Variants in SLC6A6 observed in about 807,000 individuals in gnomAD.
SLC6A6 encodes the protein solute carrier family 6 member 6, also known as sodium- and chloride-dependent taurine transporter.
SLC6A6 carries 16 observed loss-of-function variants against 68.8 expected under a neutral mutation model. That is an observed-to-expected ratio of 0.23 (90% CI 0.16 to 0.35). SLC6A6 has a LOEUF of 0.35. SLC6A6 is among the 10% of genes least tolerant of loss of function. The probability of loss-of-function intolerance (pLI) is 1.00; values close to 1 mark genes in which losing one functional copy is unlikely to be tolerated. For synonymous variants in SLC6A6, 312 were observed against 315.4 expected, an observed-to-expected ratio of 0.99 and a Z score of 0.12; for missense variants, 474 against 802.8, an observed-to-expected ratio of 0.59 and a Z score of 4.95.
At chr3:14,457,851 G>A (rs1700404243) in intron 5 of SLC6A6, 99 bp from the exon 6 acceptor site, 4 of 1,125,812 alleles carry the variant, frequency 3.6e-6, no homozygotes, top group Non-Finnish European at 5.3e-6. Context: ...CAGCGCCTCA[G>A]GTGGGATTTG....
Position 14,481,556 on chromosome 3 carries a change from G to A in SLC6A6, c.1552-115G>A. The A allele has an allele frequency of 1.4e-6, 1 of 716,724 alleles. No individual in the cohort carries two copies. The highest frequency in any genetic ancestry group is 1.7e-5 in the South Asian group (1 of 57,650). The allele number at this position is 716,724 out of a possible 1,614,324, so 44.4% of individuals were successfully genotyped here. ...AGAGAGGGGTGTGAGTTCTGAGCCA[G>A]TCCTTTCCCAAGGAGAGAGACCCTT... On this transcript the variant is annotated intron_variant, in intron 13 of 14. Coordinates refer to ENST00000622186, the MANE Select transcript of SLC6A6 (RefSeq NM_003043.6). The surrounding 1 kb of genome is among the most constrained non-coding windows in gnomAD (Gnocchi z 4.7).
In SLC6A6 at chr3:14,467,914, C is replaced by T. The variant is rs780969231; in HGVS notation, c.929C>T (p.Thr310Ile). Reference protein sequence around the residue: ...FSYAICLGAMTSLGSYNKYKY... With the variant: ...FSYAICLGAMISLGSYNKYKY... Reference sequence around the variant, plus strand: ...TATGCCATCTGCCTGGGGGCTATGACCTCGCTGGGGAGCTACAACAAGTAC... The same window carrying T: ...TATGCCATCTGCCTGGGGGCTATGATCTCGCTGGGGAGCTACAACAAGTAC... Residue 310 changes from threonine to isoleucine, a missense_variant, in exon 8 of 15, where the codon ACC becomes ATC. Transcript: ENST00000622186. 6.2e-7 allele frequency: 1 copy of T among 1,613,932 alleles called. No homozygotes were observed. Among genetic ancestry groups the T allele is most frequent in the Non-Finnish European group, 8.5e-7 (1 of 1,179,866 alleles).
rs543605295 is a variant in SLC6A6, at chr3:14,477,182, G to GCT, written c.1210-14_1210-13dup. The GCT allele has an allele frequency of 1.2e-5, 19 of 1,603,596 alleles. No homozygotes were observed. The African/African-American group carries it at 1.9e-4, about 16-fold the overall frequency. On this transcript the variant is annotated intron_variant, in intron 10 of 14. Transcript: ENST00000622186. The surrounding 1 kb of genome is among the most constrained non-coding windows in gnomAD (Gnocchi z 4.2). ...TGGCCTGAGCGTCAGCCGCTCACCA[G>GCT]CTCTCTCTCTTCCCCTCCTCAGTTT...
intron 9 of SLC6A6, among the ~76,000 whole-genome samples, chr3:14,470,115 T>G (rs1470681443): frequency 6.6e-6 from 1 of 152,158 alleles, no homozygotes; most frequent in Non-Finnish European, 1.5e-5. Context: ...TCCAGGAGTA[T>G]GGAGTGAATT....
intron 1 of SLC6A6, among the ~76,000 whole-genome samples, chr3:14,415,754 G>A (rs1159649132): frequency 6.6e-6 from 1 of 152,000 alleles, no homozygotes; most frequent in Non-Finnish European, 1.5e-5. Flanking sequence ...AGTCACGTCC[G>A]GGACTGCTTG....
rs1433675908 is a variant in SLC6A6 at position 14,481,204 on chromosome 3, G to A, written c.1552-467G>A. On this transcript the variant is annotated intron_variant, in intron 13 of 14. Coordinates refer to ENST00000622186, the MANE Select transcript of SLC6A6 (RefSeq NM_003043.6). The surrounding 1 kb of genome is among the most constrained non-coding windows in gnomAD (Gnocchi z 4.7). ...TTCTGGAAGGAGAGGTATGGGTGGT[G>A]CCTGGGCAAGTAAGGCAGACCCAGT... Among the ~76,000 whole-genome samples the A allele has an allele frequency of 6.6e-6, 1 of 152,190 alleles. No individual in the cohort carries two copies. Among genetic ancestry groups the A allele is most frequent in the Non-Finnish European group, 1.5e-5 (1 of 68,050 alleles).
At chr3:14,410,828 T>C (rs1699237409) in intron 1 of SLC6A6, among the ~76,000 whole-genome samples, 1 of 152,202 alleles carries the variant, frequency 6.6e-6, no homozygotes, top group African/African-American at 2.4e-5. Flanking sequence ...AGGCTGCCAG[T>C]TGCTTGGTTG....
chr3:14,417,732 GAAAA>G (rs58223644), intron 2 of SLC6A6, among the ~76,000 whole-genome samples: 3 of 105,874 alleles, frequency 2.8e-5, no homozygotes, highest in African/African-American at 6.1e-5. Context: ...ACTCCGTCTC[GAAAA>G]AAAAAAAAAA....
At chr3:14,478,068 C>T (rs1362837608) in intron 11 of SLC6A6, among the ~76,000 whole-genome samples, 1 of 151,990 alleles carries the variant, frequency 6.6e-6, no homozygotes, top group Non-Finnish European at 1.5e-5. Flanking sequence ...CAATTCAGGG[C>T]TTCACTTCAC....
intron 2 of SLC6A6, among the ~76,000 whole-genome samples, chr3:14,417,030 T>A (rs1424836772): frequency 2.6e-5 from 4 of 152,158 alleles, no homozygotes; most frequent in African/African-American, 4.8e-5. Flanking sequence ...TTTTTTGGAG[T>A]AACGGGGTTT....
intron 2 of SLC6A6, among the ~76,000 whole-genome samples, chr3:14,417,475 G>T (rs537887801): frequency 3.0e-4 from 45 of 151,760 alleles, no homozygotes; most frequent in South Asian, 6.3e-4. Context: ...CTCACGCCTG[G>T]GATCCCAGCA....
intron 2 of SLC6A6, among the ~76,000 whole-genome samples, chr3:14,420,558 A>C (rs1480731138): frequency 1.4e-5 from 2 of 145,014 alleles, no homozygotes; most frequent in Admixed American, 1.4e-4. Flanking sequence ...TGGTGTGATC[A>C]TAGCTCGCTA....
intron 2 of SLC6A6, among the ~76,000 whole-genome samples, chr3:14,426,546 G>A (rs952400916): frequency 1.3e-5 from 2 of 152,192 alleles, no homozygotes; most frequent in Non-Finnish European, 2.9e-5. Context: ...GGACTAATTA[G>A]GAGAAAAGTA....
chr3:14,482,976 G>A (rs1701042571), intron 14 of SLC6A6, among the ~76,000 whole-genome samples: 1 of 152,148 alleles, frequency 6.6e-6, no homozygotes, highest in Non-Finnish European at 1.5e-5. Context: ...TTACTGTCCA[G>A]AAGCCAAAGG....
chr3:14,421,831 T>C (rs1699492040), intron 2 of SLC6A6, among the ~76,000 whole-genome samples: 2 of 152,130 alleles, frequency 1.3e-5, no homozygotes, highest in South Asian at 4.1e-4. Flanking sequence ...TGGCTTTGGT[T>C]TTGCACACAG....
rs1443589930 is a variant in SLC6A6, at chr3:14,466,664, G to C, written c.867+14G>C. 1.3e-6 allele frequency: 2 copies of C among 1,596,096 alleles called. No homozygotes were observed. Among genetic ancestry groups the C allele is most frequent in the African/African-American group, 2.7e-5 (2 of 74,452 alleles). On this transcript the variant is annotated intron_variant, in intron 7 of 14. Transcript: ENST00000622186. ...GAGGACCCACAGGTACTGTGGGGCT[G>C]GGACACACCATCCTCCCTCCCATCC...
At chr3:14,418,916 A>G (rs572412337) in intron 2 of SLC6A6, among the ~76,000 whole-genome samples, 1 of 152,198 alleles carries the variant, frequency 6.6e-6, no homozygotes, top group Non-Finnish European at 1.5e-5. Context: ...TCAGGCTGGG[A>G]ACGGCCTCTG....
At chr3:14,467,386 G>C (rs1047766273) in intron 7 of SLC6A6, among the ~76,000 whole-genome samples, 10 of 152,250 alleles carry the variant, frequency 6.6e-5, no homozygotes, top group Admixed American at 6.5e-4. Context: ...ATTCTAACTC[G>C]GGGGTCTGCA....
chr3:14,406,746 G>A (rs1216462714), intron 1 of SLC6A6, among the ~76,000 whole-genome samples: 6 of 152,204 alleles, frequency 3.9e-5, no homozygotes, highest in East Asian at 1.9e-4. Context: ...TTAGGGTTAC[G>A]AGAGGGAAAG....
Sources: gnomAD v4.1 joint callset for allele counts (sites outside exome capture counted in the v4.1 genomes callset) on GRCh38, gnomAD v4.1.1 for gene constraint, Gnocchi (gnomAD v3.1) non-coding constraint, MANE v1.5 for transcripts, NCBI Gene and HGNC (gene_info 2026-07-23, HGNC 2026-07-21) for gene names.